The following NAALADL2 variants were observed in gnomAD, a reference collection of about 807,000 sequenced individuals.
The protein encoded by NAALADL2 is inactive N-acetylated-alpha-linked acidic dipeptidase-like protein 2.
A neutral mutation model predicts 87.2 loss-of-function variants in NAALADL2; 76 were observed. The ratio of observed to expected loss-of-function variants is 0.87; its 90% CI spans 0.72 to 1.05. The LOEUF (loss-of-function observed/expected upper bound fraction) is 1.05, where lower values mean the gene tolerates loss of function less well. NAALADL2 is among the 50% of genes least tolerant of loss of function. The probability of loss-of-function intolerance (pLI) is 0.00; values close to 1 mark genes in which losing one functional copy is unlikely to be tolerated. For synonymous variants in NAALADL2, 354 were observed against 331.0 expected, an observed-to-expected ratio of 1.07 and a Z score of -0.75; for missense variants, 1,089 against 945.8, an observed-to-expected ratio of 1.15 and a Z score of -1.99.
At chr3:175,553,970 A>G (rs1714861071) in intron 9 of NAALADL2, among the ~76,000 whole-genome samples, 1 of 152,138 alleles carries the variant, frequency 6.6e-6, no homozygotes, top group African/African-American at 2.4e-5. Context: ...CAACATTATC[A>G]ACTGATAATG....
intron 2 of NAALADL2, among the ~76,000 whole-genome samples, chr3:174,632,984 T>G: frequency 6.7e-6 from 1 of 150,040 alleles, no homozygotes; most frequent in Non-Finnish European, 1.5e-5. Context: ...GCGCAATTGC[T>G]GGCTCAAAGT....
intron 3 of NAALADL2, among the ~76,000 whole-genome samples, chr3:174,849,952 A>G (rs2109469266): frequency 6.6e-6 from 1 of 152,160 alleles, no homozygotes; most frequent in East Asian, 1.9e-4. Context: ...TTAAAGTGTT[A>G]TAGGATTTTA....
chr3:175,644,832 G>C (rs749537686), intron 11 of NAALADL2, among the ~76,000 whole-genome samples: 3 of 152,112 alleles, frequency 2.0e-5, no homozygotes, highest in Non-Finnish European at 2.9e-5. Context: ...ATACTTGCTT[G>C]ATCCAGTGCT....
rs1295089073 is a variant in NAALADL2, at chr3:175,446,199, AAAGAG to A, written c.1091-1027_1091-1023del. On this transcript the variant is annotated intron_variant, in intron 5 of 13. Coordinates refer to ENST00000454872, the MANE Select transcript of NAALADL2 (RefSeq NM_207015.3). ...CTGGAGAGAAGGTTTCTGTATGCCA[AAAGAG>A]AAAACATCTGAGGAGTCCAGGCAAT... Among the ~76,000 whole-genome samples, 3 of 148,254 alleles carry A rather than the reference AAAGAG, an allele frequency of 2.0e-5. No individual in the cohort carries two copies. In the East Asian group the frequency reaches 6.1e-4, roughly 30 times the overall value.
chr3:175,444,295 T>C (rs1352383385), intron 5 of NAALADL2, among the ~76,000 whole-genome samples: 3 of 152,166 alleles, frequency 2.0e-5, no homozygotes, highest in Admixed American at 6.5e-5. Context: ...CCAAAGGTAA[T>C]GGCTGAGAGA....
intron 5 of NAALADL2, among the ~76,000 whole-genome samples, chr3:175,355,253 G>A (rs1764238491): frequency 6.6e-6 from 1 of 151,664 alleles, no homozygotes; most frequent in African/African-American, 2.4e-5. Context: ...TTTTAGTAGA[G>A]TCAGGGTTTC....
intron 3 of NAALADL2, among the ~76,000 whole-genome samples, chr3:175,251,643 T>C (rs376705354): frequency 6.6e-6 from 1 of 152,204 alleles, no homozygotes; most frequent in African/African-American, 2.4e-5. Flanking sequence ...AGGTTCATTG[T>C]AGCAACAAGA....
intron 2 of NAALADL2, among the ~76,000 whole-genome samples, chr3:174,720,517 CTG>C (rs1245091384): frequency 6.6e-6 from 1 of 151,936 alleles, no homozygotes; most frequent in Non-Finnish European, 1.5e-5. Context: ...ATTTAGACAA[CTG>C]TTAGTATAAA....
At chr3:175,518,706 C>T (rs1732225340) in intron 9 of NAALADL2, among the ~76,000 whole-genome samples, 1 of 152,134 alleles carries the variant, frequency 6.6e-6, no homozygotes, top group Non-Finnish European at 1.5e-5. Context: ...AGTTCCACTG[C>T]CATGATAACC....
chr3:175,711,013 A>G (rs1387742930), intron 11 of NAALADL2, among the ~76,000 whole-genome samples: 1 of 151,934 alleles, frequency 6.6e-6, no homozygotes, highest in Admixed American at 6.6e-5. Flanking sequence ...TTTAGCATTT[A>G]CCTCCAAAAT....
chr3:174,671,028 CT>C (rs1726480177), intron 2 of NAALADL2, among the ~76,000 whole-genome samples: 1 of 152,058 alleles, frequency 6.6e-6, no homozygotes, highest in Non-Finnish European at 1.5e-5. Flanking sequence ...TAAAATGTGG[CT>C]GCTTCCCCTC....
chr3:174,772,817 C>T (rs1355469256), intron 3 of NAALADL2, among the ~76,000 whole-genome samples: 3 of 152,156 alleles, frequency 2.0e-5, no homozygotes, highest in East Asian at 1.9e-4. Context: ...TCAGTATCAT[C>T]TTCTGATATA....
chr3:175,231,954 A>G (rs1203171224), intron 2 of NAALADL2, among the ~76,000 whole-genome samples: 2 of 152,114 alleles, frequency 1.3e-5, no homozygotes, highest in Non-Finnish European at 2.9e-5. Context: ...AGGAAAAGGT[A>G]GAGAACAGAT....
At chr3:174,715,452 G>T (rs1050086788) in intron 2 of NAALADL2, among the ~76,000 whole-genome samples, 10 of 152,082 alleles carry the variant, frequency 6.6e-5, no homozygotes, top group African/African-American at 2.2e-4. Flanking sequence ...TAATACTGGT[G>T]GTAGACTCAC....
chr3:174,888,294 C>A (rs1288222409), intron 1 of NAALADL2, among the ~76,000 whole-genome samples: 1 of 152,158 alleles, frequency 6.6e-6, no homozygotes, highest in African/African-American at 2.4e-5. Flanking sequence ...ATTTGAATTA[C>A]ATTCTAAGTA....
intron 2 of NAALADL2, among the ~76,000 whole-genome samples, chr3:175,230,161 A>T (rs1744730544): frequency 6.6e-6 from 1 of 151,996 alleles, no homozygotes; most frequent in Admixed American, 6.6e-5. Context: ...CTGCTCACAC[A>T]TACACACACA....
chr3:175,418,031 G>A (rs1164013740), intron 5 of NAALADL2, among the ~76,000 whole-genome samples: 1 of 152,082 alleles, frequency 6.6e-6, no homozygotes, highest in Non-Finnish European at 1.5e-5. Context: ...GAGATGAGGA[G>A]AGATAGCTGG....
At position 175,488,784 on chromosome 3, in the gene NAALADL2, T is replaced by A. The variant is rs533865418; in HGVS notation, c.1653+17026T>A. ...CATAAATTTTATGAAAACGTGTTTG[T>A]ACTTAGACCAGAATCCCTTCCAGGA... On this transcript the variant is annotated intron_variant, in intron 9 of 13. Transcript: ENST00000454872. 7.2e-5 allele frequency among the ~76,000 whole-genome samples: 11 copies of A among 152,228 alleles called. 1 individual carries two copies. Among genetic ancestry groups the A allele is most frequent in the Non-Finnish European group, 1.6e-4 (11 of 68,048 alleles).
chr3:174,851,479 C>T, intron 3 of NAALADL2, among the ~76,000 whole-genome samples: 1 of 151,436 alleles, frequency 6.6e-6, no homozygotes, highest in Admixed American at 6.6e-5. Flanking sequence ...AGCAACTATA[C>T]TATGAGTAAC....
Sources: gnomAD v4.1 joint callset for allele counts (sites outside exome capture counted in the v4.1 genomes callset) on GRCh38, gnomAD v4.1.1 for gene constraint, MANE v1.5 for transcripts, NCBI Gene and HGNC (gene_info 2026-07-23, HGNC 2026-07-21) for gene names.